GPHN: variants seen among roughly 807,000 people sequenced by gnomAD.
GPHN encodes the protein gephyrin.
In GPHN, 17 loss-of-function variants were observed where a neutral mutation model predicts 95.5. The ratio of observed to expected loss-of-function variants is 0.18; its 90% CI spans 0.12 to 0.27. GPHN has a LOEUF of 0.27. GPHN is among the 10% of genes least tolerant of loss of function. The probability of loss-of-function intolerance (pLI) is 1.00; values close to 1 mark genes in which losing one functional copy is unlikely to be tolerated. For missense variants in GPHN, 660 were observed against 978.1 expected (o/e 0.67, Z 4.34); for synonymous variants, 320 against 322.5 (o/e 0.99, Z 0.08).
chr14:67,284,547 TAAAAAAAAAAAAAAAAA>T, the GPHN span, among the ~76,000 whole-genome samples: 37 of 23,294 alleles, frequency 1.6e-3, no homozygotes, highest in South Asian at 2.6e-3. Flanking sequence ...GCTGCAGTGC[TAAAAAAAAAAAAAAAAA>T]AAAAAAAAAA....
intron 1 of GPHN, among the ~76,000 whole-genome samples, chr14:66,558,084 T>C (rs1255684240): frequency 6.6e-6 from 1 of 152,152 alleles, no homozygotes; most frequent in Non-Finnish European, 1.5e-5. Context: ...ATGAAAATAT[T>C]TTCTCTTTAA....
chr14:66,723,301 CTT>C (rs748102456), intron 2 of GPHN, among the ~76,000 whole-genome samples: 2 of 150,808 alleles, frequency 1.3e-5, no homozygotes, highest in African/African-American at 4.9e-5. Context: ...TAAATATAAA[CTT>C]TTATAAATTA....
chr14:67,669,824 G>T, the GPHN span, among the ~76,000 whole-genome samples: 1 of 152,192 alleles, frequency 6.6e-6, no homozygotes, highest in Non-Finnish European at 1.5e-5. Flanking sequence ...CTTGGGCCGG[G>T]AACTGTAGCT....
At chr14:66,871,993 C>G (rs1252916068) in intron 4 of GPHN, among the ~76,000 whole-genome samples, 2 of 151,926 alleles carry the variant, frequency 1.3e-5, no homozygotes, top group African/African-American at 2.4e-5. Flanking sequence ...CAGCAAAGTC[C>G]TTACGTTTTT....
chr14:66,775,163 A>G (rs1033066186), intron 2 of GPHN, among the ~76,000 whole-genome samples: 5 of 151,854 alleles, frequency 3.3e-5, no homozygotes, highest in Non-Finnish European at 7.4e-5. Context: ...TTGGTTGGGT[A>G]TCTTTTTTTT....
the GPHN span, chr14:67,586,900 TG>T: frequency 1.6e-5 from 25 of 1,531,644 alleles, no homozygotes; most frequent in Non-Finnish European, 2.1e-5. Context: ...CCCACACCAC[TG>T]GGCCTCTGAA....
intron 8 of GPHN, among the ~76,000 whole-genome samples, chr14:66,941,126 G>A (rs2067404102): frequency 6.6e-6 from 1 of 151,484 alleles, no homozygotes. Context: ...GCTACAGCTG[G>A]AGATTGCTGG....
the GPHN span, chr14:67,701,912 C>G: frequency 6.6e-6 from 1 of 152,166 alleles, no homozygotes; most frequent in Admixed American, 6.5e-5. Context: ...CCCTTCTCAG[C>G]TTCCTGAGTG....
At chr14:67,522,887 C>G in the GPHN span, among the ~76,000 whole-genome samples, 1 of 152,110 alleles carries the variant, frequency 6.6e-6, no homozygotes, top group Non-Finnish European at 1.5e-5. Context: ...CTGCAGAAGC[C>G]CAAAGGGTTG....
the GPHN span, among the ~76,000 whole-genome samples, chr14:67,679,024 G>T: frequency 6.9e-4 from 105 of 152,248 alleles, no homozygotes; most frequent in African/African-American, 2.3e-3. Flanking sequence ...CGACAAACTG[G>T]GTAACTATAA....
chr14:67,056,976 G>T (rs1242011026), intron 10 of GPHN, among the ~76,000 whole-genome samples: 2 of 152,160 alleles, frequency 1.3e-5, no homozygotes, highest in African/African-American at 4.8e-5. Flanking sequence ...GCCCCTCACT[G>T]CAGGGCCCGC....
At chr14:66,744,553 C>A (rs925909274) in intron 2 of GPHN, among the ~76,000 whole-genome samples, 1 of 152,300 alleles carries the variant, frequency 6.6e-6, no homozygotes, top group East Asian at 1.9e-4. Context: ...ATACATTTTG[C>A]ATTTCTTACA....
chr14:67,332,882 T>G, the GPHN span: 1 of 1,614,086 alleles, frequency 6.2e-7, no homozygotes, highest in African/African-American at 1.3e-5. Context: ...TGATAAAGCC[T>G]ATCAGGAATT....
the GPHN span, chr14:67,615,638 T>A: frequency 0.28 from 147,425 of 532,554 alleles, 22,657 homozygotes; most frequent in Non-Finnish European, 0.33. Flanking sequence ...GGGAAGACCA[T>A]GTCTGCTAAA....
intron 19 of GPHN, among the ~76,000 whole-genome samples, chr14:67,164,270 C>CAA (rs780524695): frequency 0.058 from 2,638 of 45,256 alleles, 65 homozygotes; most frequent in African/African-American, 0.12. Context: ...ACTCCATCTC[C>CAA]AAAAAAAAAA....
At chr14:66,839,404 G>T (rs1309711261) in intron 4 of GPHN, among the ~76,000 whole-genome samples, 1 of 152,156 alleles carries the variant, frequency 6.6e-6, no homozygotes, top group Non-Finnish European at 1.5e-5. Context: ...CCTTTCTATA[G>T]GTTGTATTGC....
chr14:66,815,501 G>A (rs2060926005), intron 3 of GPHN, among the ~76,000 whole-genome samples: 1 of 152,046 alleles, frequency 6.6e-6, no homozygotes, highest in South Asian at 2.1e-4. Flanking sequence ...AAAGGACTGG[G>A]GCCCAATATT....
the GPHN span, chr14:67,650,638 C>T: frequency 7.3e-7 from 1 of 1,371,466 alleles, no homozygotes; most frequent in Non-Finnish European, 1.0e-6. Context: ...GGCTTGTTCT[C>T]CCTGTCCCAG....
chr14:66,533,294 T>A (rs189457170), intron 1 of GPHN, among the ~76,000 whole-genome samples: 40 of 152,322 alleles, frequency 2.6e-4, no homozygotes, highest in Non-Finnish European at 4.0e-4. Context: ...TAGTATCTGC[T>A]ATCTTACTTT....
Sources: allele counts gnomAD v4.1 joint callset (sites outside exome capture counted in the v4.1 genomes callset), GRCh38; gene constraint gnomAD v4.1.1; transcripts MANE v1.5; gene names NCBI Gene and HGNC (gene_info 2026-07-23, HGNC 2026-07-21).